The following HS3ST5 variants were observed in gnomAD, a reference collection of about 807,000 sequenced individuals.
HS3ST5 encodes the protein heparan sulfate-glucosamine 3-sulfotransferase 5.
A neutral mutation model predicts 25.4 loss-of-function variants in HS3ST5; 10 were observed. The observed-to-expected ratio is 0.39, with a 90% CI of 0.24 to 0.67. The LOEUF (loss-of-function observed/expected upper bound fraction) is 0.67, where lower values mean the gene tolerates loss of function less well. HS3ST5 is among the 30% of genes least tolerant of loss of function. HS3ST5 has a pLI of 0.44. For missense variants in HS3ST5, 324 were observed against 420.7 expected, an observed-to-expected ratio of 0.77 and a Z score of 2.01; for synonymous variants, 170 against 162.4, an observed-to-expected ratio of 1.05 and a Z score of -0.36.
chr6:114,147,738 A>T (rs1343592955), intron 3 of HS3ST5, among the ~76,000 whole-genome samples: 1 of 151,934 alleles, frequency 6.6e-6, no homozygotes, highest in Non-Finnish European at 1.5e-5. Flanking sequence ...GCACCACCAC[A>T]CTTCGCTAAT....
At chr6:114,076,708 A>G (rs1233177841) in intron 3 of HS3ST5, among the ~76,000 whole-genome samples, 2 of 152,220 alleles carry the variant, frequency 1.3e-5, no homozygotes, top group Non-Finnish European at 2.9e-5. Flanking sequence ...TGTAATAATA[A>G]TTACGTAAGA....
Position 114,318,958 on chromosome 6 carries a change from A to G in HS3ST5, c.-339+23237T>C, listed in dbSNP as rs531999288. On this transcript the variant is annotated intron_variant, in intron 1 of 4. Coordinates refer to ENST00000312719, the MANE Select transcript of HS3ST5 (RefSeq NM_153612.4). ...GCCCAAGGAGACACAAAATGTAGGT[A>G]TTTCTATCATCTTAGCAGTTTTTTG... Among the ~76,000 whole-genome samples the G allele has an allele frequency of 3.9e-5, 6 of 152,248 alleles. No individual in the cohort carries two copies. The East Asian group carries it at 1.2e-3, about 29-fold the overall frequency.
chr6:114,238,142 G>A (rs1771943498), intron 1 of HS3ST5, among the ~76,000 whole-genome samples: 1 of 152,208 alleles, frequency 6.6e-6, no homozygotes, highest in Non-Finnish European at 1.5e-5. Context: ...TTATTTTACT[G>A]AAGACGCTGC....
chr6:114,261,224 G>C (rs964264422), intron 1 of HS3ST5, among the ~76,000 whole-genome samples: 5 of 152,318 alleles, frequency 3.3e-5, no homozygotes, highest in Non-Finnish European at 5.9e-5. Flanking sequence ...CTGTTCTTTA[G>C]AATGGGAAAA....
chr6:114,241,211 C>T (rs1297056373), intron 1 of HS3ST5, among the ~76,000 whole-genome samples: 3 of 139,498 alleles, frequency 2.2e-5, no homozygotes, highest in Non-Finnish European at 1.5e-5. Context: ...CTTTCAAATT[C>T]AATAGACAAT....
intron 2 of HS3ST5, among the ~76,000 whole-genome samples, chr6:114,228,086 A>G (rs1326892847): frequency 1.3e-5 from 2 of 152,158 alleles, no homozygotes; most frequent in African/African-American, 4.8e-5. Context: ...TGAAAATGGG[A>G]ACTAGATTGT....
At chr6:114,094,608 A>G (rs1284431611) in intron 3 of HS3ST5, among the ~76,000 whole-genome samples, 5 of 152,230 alleles carry the variant, frequency 3.3e-5, no homozygotes, top group Non-Finnish European at 7.3e-5. Flanking sequence ...GATCCAAGTT[A>G]TGGTATAATA....
chr6:114,237,584 A>G (rs973213927), intron 1 of HS3ST5, among the ~76,000 whole-genome samples: 1 of 152,128 alleles, frequency 6.6e-6, no homozygotes, highest in African/African-American at 2.4e-5. Context: ...TGGGGTGGAG[A>G]AACTGAGCCT....
intron 4 of HS3ST5, 94 bp downstream of exon 4, chr6:114,062,645 A>T (rs1190131500): frequency 1.3e-6 from 1 of 748,254 alleles, no homozygotes; most frequent in African/African-American, 1.8e-5. Context: ...TTCGAAGGAG[A>T]AAAACAAGTG....
intron 3 of HS3ST5, among the ~76,000 whole-genome samples, chr6:114,067,334 A>G (rs936246317): frequency 6.6e-6 from 1 of 152,122 alleles, no homozygotes; most frequent in African/African-American, 2.4e-5. Flanking sequence ...GAGTGAAGTT[A>G]TAAAATGACC....
At chr6:114,275,846 G>A (rs1773828531) in intron 1 of HS3ST5, among the ~76,000 whole-genome samples, 1 of 151,902 alleles carries the variant, frequency 6.6e-6, no homozygotes, top group Non-Finnish European at 1.5e-5. Context: ...TCAATTCTGA[G>A]ATGTACAAAA....
At chr6:114,237,072 T>C (rs1771892488) in intron 1 of HS3ST5, among the ~76,000 whole-genome samples, 1 of 152,194 alleles carries the variant, frequency 6.6e-6, no homozygotes. Flanking sequence ...TTGACTTACA[T>C]AAAATGAAAG....
At chr6:114,140,315 G>A (rs950835609) in intron 3 of HS3ST5, among the ~76,000 whole-genome samples, 2 of 152,100 alleles carry the variant, frequency 1.3e-5, no homozygotes, top group African/African-American at 4.8e-5. Context: ...AGTGATACTG[G>A]CTTGCCATTT....
At chr6:114,160,963 A>G (rs747555586) in intron 3 of HS3ST5, among the ~76,000 whole-genome samples, 4 of 152,212 alleles carry the variant, frequency 2.6e-5, no homozygotes, top group Non-Finnish European at 5.9e-5. Flanking sequence ...GCAGCTTTTA[A>G]AAGTATTAAT....
intron 2 of HS3ST5, among the ~76,000 whole-genome samples, chr6:114,188,615 T>C (rs935433776): frequency 1.3e-5 from 2 of 152,086 alleles, no homozygotes; most frequent in African/African-American, 4.8e-5. Flanking sequence ...TTTTTTATTA[T>C]CTTTATTAAT....
At chr6:114,338,917 A>G (rs978759615) in intron 1 of HS3ST5, among the ~76,000 whole-genome samples, 6 of 152,086 alleles carry the variant, frequency 3.9e-5, no homozygotes, top group Non-Finnish European at 8.8e-5. Context: ...TTAACTAGGT[A>G]TTTTTGTTTT....
intron 3 of HS3ST5, among the ~76,000 whole-genome samples, chr6:114,100,168 G>A (rs530306927): frequency 4.7e-4 from 71 of 152,176 alleles, no homozygotes; most frequent in Admixed American, 2.7e-3. Context: ...TGTGTGTTAC[G>A]AACCATACAC....
At chr6:114,262,231 G>C (rs1773204915) in intron 1 of HS3ST5, among the ~76,000 whole-genome samples, 1 of 152,154 alleles carries the variant, frequency 6.6e-6, no homozygotes, top group Non-Finnish European at 1.5e-5. Flanking sequence ...CTCAGGAAAA[G>C]ACTATTATAA....
intron 1 of HS3ST5, among the ~76,000 whole-genome samples, chr6:114,323,448 C>A (rs1470773168): frequency 6.6e-6 from 1 of 151,966 alleles, no homozygotes; most frequent in Non-Finnish European, 1.5e-5. Flanking sequence ...ATCATTGTAA[C>A]CCTTAGTTGA....
Sources: allele counts gnomAD v4.1 joint callset (sites outside exome capture counted in the v4.1 genomes callset), GRCh38; gene constraint gnomAD v4.1.1; transcripts MANE v1.5; gene names NCBI Gene and HGNC (gene_info 2026-07-23, HGNC 2026-07-21).